The following FANCC variants were observed in gnomAD, a reference collection of about 807,000 sequenced individuals.
FANCC encodes Fanconi anemia group C protein.
FANCC carries 55 observed loss-of-function variants against 71.3 expected under a neutral mutation model. The observed-to-expected ratio is 0.77, with a 90% CI of 0.62 to 0.97. The LOEUF is 0.97. Ranked by LOEUF, FANCC falls within the 50% of genes least tolerant of loss-of-function variation. The pLI, the probability that FANCC is intolerant of heterozygous loss-of-function variation, is 0.00. For synonymous variants in FANCC, 275 were observed against 244.9 expected, an observed-to-expected ratio of 1.12 and a Z score of -1.15; for missense variants, 678 against 670.9, an observed-to-expected ratio of 1.01 and a Z score of -0.12.
intron 1 of FANCC, among the ~76,000 whole-genome samples, chr9:95,304,056 T>C (rs1834923366): frequency 1.3e-5 from 2 of 152,182 alleles, no homozygotes; most frequent in African/African-American, 4.8e-5. Context: ...AAACAATGCC[T>C]CACAATTCTA....
chr9:95,110,078 G>T, intron 13 of FANCC: 1 of 194,268 alleles, frequency 5.1e-6, no homozygotes, highest in Non-Finnish European at 9.4e-6. Context: ...ATGGATGCCT[G>T]CCACTGCCCC....
chr9:95,118,302 A>G (rs888451064), intron 10 of FANCC, among the ~76,000 whole-genome samples: 1 of 152,244 alleles, frequency 6.6e-6, no homozygotes, highest in African/African-American at 2.4e-5. Context: ...TATAGTCATG[A>G]GCCACTGAGC....
intron 10 of FANCC, among the ~76,000 whole-genome samples, chr9:95,124,140 C>G (rs908470521): frequency 7.1e-6 from 1 of 140,202 alleles, no homozygotes; most frequent in Non-Finnish European, 1.5e-5. Flanking sequence ...GTAGAAATAT[C>G]GGCTAAAACC....
intron 13 of FANCC, 46 bp from the exon 14 acceptor site, chr9:95,107,315 C>T (rs2071524567): frequency 2.5e-6 from 4 of 1,576,626 alleles, no homozygotes; most frequent in Non-Finnish European, 3.5e-6. Flanking sequence ...AGAGGCAGGA[C>T]AGACATACTT....
chr9:95,123,957 G>A (rs1289302484), intron 10 of FANCC: 2 of 368,806 alleles, frequency 5.4e-6, no homozygotes, highest in South Asian at 2.2e-5. Context: ...ACAAAAAGTA[G>A]CCATGAGTGG....
At chr9:95,258,372 A>G (rs1831801450) in intron 1 of FANCC, among the ~76,000 whole-genome samples, 2 of 152,224 alleles carry the variant, frequency 1.3e-5, no homozygotes, top group Admixed American at 1.3e-4. Context: ...CTGGGATGCA[A>G]GGCTGGTTCA....
chr9:95,292,363 C>T (rs1375833737), intron 1 of FANCC: 2 of 984,478 alleles, frequency 2.0e-6, no homozygotes, highest in Non-Finnish European at 2.4e-6. Context: ...GCGGTGGCGG[C>T]GGCGGGGTCC....
intron 1 of FANCC, among the ~76,000 whole-genome samples, chr9:95,287,740 A>C (rs565700314): frequency 6.6e-6 from 1 of 152,364 alleles, no homozygotes; most frequent in Non-Finnish European, 1.5e-5. Context: ...GAAACCATTC[A>C]AATTGCTCTT....
At chr9:95,143,438 TG>T (rs1829065789) in intron 7 of FANCC, among the ~76,000 whole-genome samples, 1 of 152,144 alleles carries the variant, frequency 6.6e-6, no homozygotes, top group Non-Finnish European at 1.5e-5. Context: ...CGAGGCTATC[TG>T]GGGGCCCACC....
chr9:95,229,776 C>CAA (rs1289886672), intron 4 of FANCC, among the ~76,000 whole-genome samples: 1 of 129,910 alleles, frequency 7.7e-6, no homozygotes, highest in Non-Finnish European at 1.6e-5. Flanking sequence ...CATGTACACA[C>CAA]ACACACACAC....
intron 1 of FANCC, among the ~76,000 whole-genome samples, chr9:95,286,426 G>T (rs773022646): frequency 2.0e-5 from 3 of 152,138 alleles, no homozygotes; most frequent in African/African-American, 4.8e-5. Flanking sequence ...AACAAGAGAA[G>T]AACTGTTTTC....
At chr9:95,126,636 A>C in intron 8 of FANCC, 55 bp from the exon 9 acceptor site, 1 of 1,573,158 alleles carries the variant, frequency 6.4e-7, no homozygotes, top group South Asian at 1.1e-5. Context: ...TTTCTCAGAA[A>C]CTTGCTATTA....
At chr9:95,198,096 C>T (rs970088076) in intron 4 of FANCC, among the ~76,000 whole-genome samples, 2 of 152,088 alleles carry the variant, frequency 1.3e-5, no homozygotes, top group Non-Finnish European at 2.9e-5. Context: ...TGTTAAAGGC[C>T]CCTAAGCCAG....
chr9:95,262,539 G>A (rs887432374), intron 1 of FANCC, among the ~76,000 whole-genome samples: 4 of 152,122 alleles, frequency 2.6e-5, no homozygotes, highest in East Asian at 1.9e-4. Context: ...GTAAAATGGC[G>A]CAGCTGCTAC....
At chr9:95,161,672 T>C (rs1221821887) in intron 6 of FANCC, among the ~76,000 whole-genome samples, 1 of 152,140 alleles carries the variant, frequency 6.6e-6, no homozygotes, top group Non-Finnish European at 1.5e-5. Flanking sequence ...TTAACCATTT[T>C]TAACTATACA....
rs978473504 is a variant in FANCC, at chr9:95,233,079, A to C, written c.345+7570T>G. Among the ~76,000 whole-genome samples, 240 of 152,158 alleles carry C rather than the reference A, an allele frequency of 1.6e-3. 3 individuals are homozygous for C. The highest frequency in any genetic ancestry group is 8.8e-5 in the Non-Finnish European group (6 of 68,038). ...CATAAGATACCTCTCACCCAGAATG[A>C]ATCATGCACAGCTGGGAAATTCAGG... On this transcript the variant is annotated intron_variant, in intron 4 of 14. Coordinates refer to ENST00000289081, the MANE Select transcript of FANCC (RefSeq NM_000136.3).
At chr9:95,190,327 T>C (rs1564737414) in intron 4 of FANCC, among the ~76,000 whole-genome samples, 2 of 152,070 alleles carry the variant, frequency 1.3e-5, no homozygotes, top group Non-Finnish European at 1.5e-5. Context: ...CTCATGTCAA[T>C]TACAAACATG....
intron 4 of FANCC, among the ~76,000 whole-genome samples, chr9:95,187,896 A>G (rs1268083600): frequency 4.6e-5 from 7 of 152,130 alleles, no homozygotes; most frequent in Admixed American, 4.6e-4. Flanking sequence ...GAACGCTTTC[A>G]GGATGGAAAC....
chr9:95,271,504 C>T (rs994319941), intron 1 of FANCC, among the ~76,000 whole-genome samples: 1 of 152,114 alleles, frequency 6.6e-6, no homozygotes, highest in Admixed American at 6.5e-5. Flanking sequence ...GCCATGCTGG[C>T]CGCCAGAAGT....
Sources: gnomAD v4.1 joint callset for allele counts (sites outside exome capture counted in the v4.1 genomes callset) on GRCh38, gnomAD v4.1.1 for gene constraint, MANE v1.5 for transcripts, NCBI Gene and HGNC (gene_info 2026-07-23, HGNC 2026-07-21) for gene names.